Variants in NUDT4 observed in about 807,000 individuals in gnomAD.
The protein encoded by NUDT4 is nudix hydrolase 4.
NUDT4 carries 5 observed loss-of-function variants against 23.1 expected under a neutral mutation model. That is an observed-to-expected ratio of 0.22 (90% CI 0.11 to 0.46). The LOEUF is 0.46. Ranked by LOEUF, NUDT4 falls within the 20% of genes least tolerant of loss-of-function variation. NUDT4 has a pLI of 0.99. For missense variants in NUDT4, 96 were observed against 211.6 expected, an observed-to-expected ratio of 0.45 and a Z score of 3.39; for synonymous variants, 50 against 79.0, an observed-to-expected ratio of 0.63 and a Z score of 1.95.
intron 1 of NUDT4, among the ~76,000 whole-genome samples, chr12:93,387,102 TTA>T (rs1876159834): frequency 6.6e-6 from 1 of 152,038 alleles, no homozygotes; most frequent in South Asian, 2.1e-4. Flanking sequence ...CAGCTACTTT[TTA>T]TGTTTTTGGT....
chr12:93,398,101 G>C (rs894515679), intron 3 of NUDT4, among the ~76,000 whole-genome samples: 1 of 152,042 alleles, frequency 6.6e-6, no homozygotes, highest in Non-Finnish European at 1.5e-5. Flanking sequence ...CCAGCACTTT[G>C]GGAGGCCGAG....
rs1008971207 is a variant in NUDT4 at position 93,407,826 on chromosome 12, G to A, written c.*8447G>A. ...CCCAGAGCCCCTTAAGTCCTAAGAA[G>A]GCTCAGTCAACACACTGGCACTCGT... On this transcript the variant is annotated 3_prime_UTR_variant, in exon 5 of 5. Coordinates refer to ENST00000415493, the MANE Select transcript of NUDT4 (RefSeq NM_019094.6). The A allele has an allele frequency of 5.3e-5, 8 of 152,202 alleles. No individual in the cohort carries two copies. The highest frequency in any genetic ancestry group is 7.3e-5 in the Non-Finnish European group (5 of 68,042). 9.4% of individuals were successfully genotyped at this position (152,202 alleles called of 1,614,324 possible).
At position 93,403,524 on chromosome 12, in the gene NUDT4, T is replaced by A. The variant is rs1288145126; in HGVS notation, c.*4145T>A. 1 of 152,194 alleles carries A rather than the reference T, an allele frequency of 6.6e-6. No homozygotes were observed. The highest frequency in any genetic ancestry group is 1.5e-5 in the Non-Finnish European group (1 of 68,046). 9.4% of individuals were successfully genotyped at this position (152,194 alleles called of 1,614,324 possible). On this transcript the variant is annotated 3_prime_UTR_variant, in exon 5 of 5. Coordinates refer to ENST00000415493, the MANE Select transcript of NUDT4 (RefSeq NM_019094.6). ...TTAGTAGAGACGGGGTTTCACCATA[T>A]TGGCCAGGCTGGTCTCAAACTCCTG...
chr12:93,397,930 T>C (rs1421797976), intron 3 of NUDT4, among the ~76,000 whole-genome samples: 1 of 152,158 alleles, frequency 6.6e-6, no homozygotes, highest in Non-Finnish European at 1.5e-5. Flanking sequence ...GTTTTCCATG[T>C]CATTGAAAGG....
chr12:93,380,808 C>G (rs963027820), intron 1 of NUDT4, among the ~76,000 whole-genome samples: 3 of 152,172 alleles, frequency 2.0e-5, no homozygotes, highest in Non-Finnish European at 4.4e-5. Context: ...CCAGGACAGT[C>G]TAGAAAACCA....
chr12:93,394,029 T>C (rs974035976), intron 1 of NUDT4, among the ~76,000 whole-genome samples: 12 of 152,156 alleles, frequency 7.9e-5, no homozygotes, highest in African/African-American at 2.9e-4. Flanking sequence ...TTTTTTGAGA[T>C]GGAGTCTCTG....
intron 1 of NUDT4, among the ~76,000 whole-genome samples, chr12:93,392,222 G>A (rs1876571148): frequency 7.0e-6 from 1 of 143,152 alleles, no homozygotes; most frequent in Non-Finnish European, 1.5e-5. Context: ...ACCTAAGCTA[G>A]CCCACAAATA....
chr12:93,382,036 C>T (rs1310587023), intron 1 of NUDT4, among the ~76,000 whole-genome samples: 1 of 152,188 alleles, frequency 6.6e-6, no homozygotes, highest in Non-Finnish European at 1.5e-5. Context: ...GTGGGCAGAT[C>T]ACCTGAAGTC....
chr12:93,383,187 C>A (rs566421441), intron 1 of NUDT4, among the ~76,000 whole-genome samples: 1 of 151,962 alleles, frequency 6.6e-6, no homozygotes, highest in African/African-American at 2.4e-5. Flanking sequence ...AATCCATGGT[C>A]AACCTGATTT....
At position 93,407,769 on chromosome 12, in the gene NUDT4, A is replaced by G. The variant is rs1480306240; in HGVS notation, c.*8390A>G. The G allele has an allele frequency of 2.0e-5, 3 of 152,198 alleles. No homozygotes were observed. Among genetic ancestry groups the G allele is most frequent in the African/African-American group, 7.2e-5 (3 of 41,448 alleles). The allele number at this position is 152,198 out of a possible 1,614,324, so 9.4% of individuals were successfully genotyped here. A position where few individuals can be genotyped will look rare whatever the true frequency, so the allele number is the denominator to read the frequency against. Reference sequence around the variant, plus strand: ...GAAAACAGGCCCAAAGGCCAGGTGAAGCTGCAGTTTTCAACTGCTGCCTTG... The same window carrying G: ...GAAAACAGGCCCAAAGGCCAGGTGAGGCTGCAGTTTTCAACTGCTGCCTTG... On this transcript the variant is annotated 3_prime_UTR_variant, in exon 5 of 5. Transcript: ENST00000415493.
At chr12:93,383,532 C>G (rs1426517124) in intron 1 of NUDT4, among the ~76,000 whole-genome samples, 1 of 152,152 alleles carries the variant, frequency 6.6e-6, no homozygotes, top group Non-Finnish European at 1.5e-5. Flanking sequence ...ATAGCAACCT[C>G]GAAACAGTTT....
At chr12:93,395,825 A>G (rs1044517858) in intron 3 of NUDT4, among the ~76,000 whole-genome samples, 1 of 152,230 alleles carries the variant, frequency 6.6e-6, no homozygotes, top group African/African-American at 2.4e-5. Context: ...GATTCAAGCA[A>G]TTCTCCTGCC....
At chr12:93,385,566 G>A (rs1191061867) in intron 1 of NUDT4, among the ~76,000 whole-genome samples, 1 of 152,124 alleles carries the variant, frequency 6.6e-6, no homozygotes, top group South Asian at 2.1e-4. Context: ...GTGTGTCTTT[G>A]TAGAATGAGC....
chr12:93,398,621 G>T, intron 3 of NUDT4, 150 bp from the exon 4 acceptor site: 1 of 562,078 alleles, frequency 1.8e-6, no homozygotes, highest in Non-Finnish European at 3.2e-6. Context: ...AGTCACTTTT[G>T]TGTTGGACTG....
chr12:93,385,496 C>T (rs1381163771), intron 1 of NUDT4, among the ~76,000 whole-genome samples: 1 of 152,152 alleles, frequency 6.6e-6, no homozygotes, highest in African/African-American at 2.4e-5. Flanking sequence ...AAAATCTAGT[C>T]TACTCAGAGA....
At chr12:93,391,248 C>A (rs1876477572) in intron 1 of NUDT4, among the ~76,000 whole-genome samples, 1 of 151,918 alleles carries the variant, frequency 6.6e-6, no homozygotes, top group African/African-American at 2.4e-5. Flanking sequence ...GGCAACATGG[C>A]AAGACCCCAC....
chr12:93,396,316 A>G (rs1876932018), intron 3 of NUDT4, among the ~76,000 whole-genome samples: 1 of 152,166 alleles, frequency 6.6e-6, no homozygotes, highest in Non-Finnish European at 1.5e-5. Context: ...TCTCTTTCAT[A>G]TATTCTCTTA....
rs1343653129 is a variant in NUDT4 at position 93,405,075 on chromosome 12, G to C, written c.*5696G>C. 4 of 152,026 alleles carry C rather than the reference G, an allele frequency of 2.6e-5. No homozygotes were observed. The highest frequency in any genetic ancestry group is 5.9e-5 in the Non-Finnish European group (4 of 68,014). 9.4% of individuals were successfully genotyped at this position (152,026 alleles called of 1,614,324 possible). Reference sequence around the variant, plus strand: ...AAACAACATGAATTGTAATAACTTGGACTTACTTGGTTGCTCAGTCCTGAT... The same window carrying C: ...AAACAACATGAATTGTAATAACTTGCACTTACTTGGTTGCTCAGTCCTGAT... On this transcript the variant is annotated 3_prime_UTR_variant, in exon 5 of 5. Transcript: ENST00000415493.
In NUDT4 at chr12:93,403,992, G is replaced by A. The variant is rs546222628; in HGVS notation, c.*4613G>A. ...TGATTTCAGCAAATTCTGATAACCC[G>A]GTATTACTCTTAATGCATTTTTGTA... On this transcript the variant is annotated 3_prime_UTR_variant, in exon 5 of 5. Coordinates refer to ENST00000415493, the MANE Select transcript of NUDT4 (RefSeq NM_019094.6). The A allele has an allele frequency of 1.3e-5, 2 of 152,212 alleles. No individual in the cohort carries two copies. The highest frequency in any genetic ancestry group is 2.1e-4 in the South Asian group (1 of 4,818). 9.4% of individuals were successfully genotyped at this position (152,212 alleles called of 1,614,324 possible). A position where few individuals can be genotyped will look rare whatever the true frequency, so the allele number is the denominator to read the frequency against.
Sources: gnomAD v4.1 joint callset for allele counts (sites outside exome capture counted in the v4.1 genomes callset) on GRCh38, gnomAD v4.1.1 for gene constraint, MANE v1.5 for transcripts, NCBI Gene and HGNC (gene_info 2026-07-23, HGNC 2026-07-21) for gene names.